Variants in IDE observed in about 807,000 individuals in gnomAD.
IDE encodes insulin-degrading enzyme.
Under a neutral mutation model 133.2 loss-of-function variants are expected in IDE, and 58 were observed. The ratio of observed to expected loss-of-function variants is 0.44; its 90% CI spans 0.35 to 0.54. The LOEUF (loss-of-function observed/expected upper bound fraction) is 0.54. Ranked by LOEUF, IDE falls within the 20% of genes least tolerant of loss-of-function variation. The pLI, the probability that IDE is intolerant of heterozygous loss-of-function variation, is 0.00. For synonymous variants in IDE, 396 were observed against 421.3 expected, an observed-to-expected ratio of 0.94 and a Z score of 0.73; for missense variants, 981 against 1,234.0, an observed-to-expected ratio of 0.79 and a Z score of 3.07.
chr10:92,470,153 T>C, intron 18 of IDE, 101 bp downstream of exon 18: 1 of 759,548 alleles, frequency 1.3e-6, no homozygotes, highest in Non-Finnish European at 2.1e-6. Context: ...CTCTAATGTG[T>C]TCCTTATCAC....
intron 22 of IDE, among the ~76,000 whole-genome samples, chr10:92,459,667 A>T (rs1200295977): frequency 6.6e-6 from 1 of 152,144 alleles, no homozygotes; most frequent in East Asian, 1.9e-4. Flanking sequence ...ATATTACAAA[A>T]AACATATGTA....
chr10:92,462,902 T>C (rs1288459579), intron 21 of IDE, among the ~76,000 whole-genome samples: 2 of 151,772 alleles, frequency 1.3e-5, no homozygotes, highest in Non-Finnish European at 2.9e-5. Context: ...AACTGCTAGA[T>C]AAATTATAAG....
rs66967152 is a variant in IDE at position 92,547,249 on chromosome 10, A to AT, written c.99-9700dup. On this transcript the variant is annotated intron_variant, in intron 1 of 24. Coordinates refer to ENST00000265986, the MANE Select transcript of IDE (RefSeq NM_004969.4). Reference sequence around the variant, plus strand: ...CCACCATGCCCGGCTAATTTTTTGTATTTTTTTTTTTTTTTAGTAGAGACA... The same window carrying AT: ...CCACCATGCCCGGCTAATTTTTTGTATTTTTTTTTTTTTTTTAGTAGAGACA... Among the ~76,000 whole-genome samples, 63 of 145,736 alleles carry AT rather than the reference A, an allele frequency of 4.3e-4. 1 individual carries two copies. The highest frequency in any genetic ancestry group is 1.3e-3 in the South Asian group (6 of 4,604).
In IDE at chr10:92,483,348, G is replaced by T; in HGVS notation, c.1657-11C>A. On this transcript the variant is annotated splice_polypyrimidine_tract_variant and intron_variant, in intron 13 of 24. Coordinates refer to ENST00000265986, the MANE Select transcript of IDE (RefSeq NM_004969.4). ...GCTCATAGCTGTATCCTGTGATGGAGAAACAATTTGGTTAGGGAAATAGAG... is the reference window on the plus strand; with the variant it reads ...GCTCATAGCTGTATCCTGTGATGGATAAACAATTTGGTTAGGGAAATAGAG... The T allele has an allele frequency of 6.5e-7, 1 of 1,538,878 alleles. No individual in the cohort carries two copies. The highest frequency in any genetic ancestry group is 1.4e-5 in the African/African-American group (1 of 73,448).
Position 92,515,059 on chromosome 10 carries a change from G to A in IDE, c.662-17C>T, listed in dbSNP as rs1564639758. On this transcript the variant is annotated splice_polypyrimidine_tract_variant and intron_variant, in intron 4 of 24. Transcript: ENST00000265986. ...ATTTGTTACCTGGAAGGGAAGAAAA[G>A]GGATTTCTTAGAAAAAGCAAAATAT... 1.3e-6 allele frequency: 2 copies of A among 1,570,526 alleles called. No homozygotes were observed. Among genetic ancestry groups the A allele is most frequent in the Non-Finnish European group, 1.7e-6 (2 of 1,160,070 alleles).
At chr10:92,556,804 A>G (rs1843032503) in intron 1 of IDE, among the ~76,000 whole-genome samples, 2 of 151,436 alleles carry the variant, frequency 1.3e-5, no homozygotes, top group African/African-American at 2.4e-5. Flanking sequence ...GGCGCCTGTA[A>G]TCCCAGCTAC....
Position 92,463,847 on chromosome 10 carries a change from A to C in IDE, c.2645T>G (p.Phe882Cys), listed in dbSNP as rs774700889. Residue 882 changes from phenylalanine to cysteine, a missense_variant, in exon 21 of 25, where the codon TTC becomes TGC. Transcript: ENST00000265986. ...TGCTAATGCCTGAATGTGTTTTTGG[A>C]AGGCCTCTTCTGTCATGTCCTCTAT... ...KSIEDMTEEA[F>C]QKHIQALAIR... 8 of 1,614,166 alleles carry C rather than the reference A, an allele frequency of 5.0e-6. No homozygotes were observed. Among genetic ancestry groups the C allele is most frequent in the Non-Finnish European group, 5.9e-6 (7 of 1,180,026 alleles).
intron 11 of IDE, among the ~76,000 whole-genome samples, chr10:92,492,563 C>A (rs1847420110): frequency 6.6e-6 from 1 of 152,330 alleles, no homozygotes; most frequent in East Asian, 1.9e-4. Flanking sequence ...GGTGTAAAGT[C>A]AGTCCTGCTA....
intron 14 of IDE, among the ~76,000 whole-genome samples, chr10:92,482,890 C>T (rs1846702350): frequency 6.6e-6 from 1 of 152,054 alleles, no homozygotes; most frequent in South Asian, 2.1e-4. Flanking sequence ...ACTGCATCCT[C>T]CTGCCTCAGC....
intron 1 of IDE, among the ~76,000 whole-genome samples, chr10:92,561,460 A>G (rs1321938898): frequency 2.0e-5 from 3 of 150,184 alleles, no homozygotes; most frequent in Non-Finnish European, 4.4e-5. Context: ...GGATCAAATA[A>G]GATGATGTAA....
intron 1 of IDE, among the ~76,000 whole-genome samples, chr10:92,564,934 T>C (rs1428521952): frequency 6.6e-6 from 1 of 151,516 alleles, no homozygotes; most frequent in Non-Finnish European, 1.5e-5. Context: ...ACAGAAAATT[T>C]CTAAAATTAA....
intron 1 of IDE, among the ~76,000 whole-genome samples, chr10:92,569,708 A>G (rs1326092250): frequency 6.6e-6 from 1 of 152,250 alleles, no homozygotes; most frequent in Non-Finnish European, 1.5e-5. Flanking sequence ...TTGTTTTGAA[A>G]AAAGACCATT....
chr10:92,494,228 ATTTTT>A, intron 11 of IDE, among the ~76,000 whole-genome samples: 1 of 130,662 alleles, frequency 7.7e-6, no homozygotes, highest in African/African-American at 2.8e-5. Context: ...TACCCAGCCA[ATTTTT>A]TTTTTTTTTT....
chr10:92,473,976 G>A (rs1022273285), intron 17 of IDE, among the ~76,000 whole-genome samples: 1 of 151,334 alleles, frequency 6.6e-6, no homozygotes, highest in African/African-American at 2.4e-5. Context: ...AGCAGACTCC[G>A]TCTTTAAAAA....
rs368772960 is a variant in IDE, at chr10:92,483,284, C to T, written c.1710G>A (p.Pro570=). 2.2e-5 allele frequency: 36 copies of T among 1,606,108 alleles called. No homozygotes were observed. The highest frequency in any genetic ancestry group is 3.3e-5 in the South Asian group (3 of 90,892). The change falls in exon 14 of 25, where the codon CCG becomes CCA. Residue 570 remains proline (P), a synonymous_variant. Transcript: ENST00000265986. ...AAAATTCAAAGTTGAGACAAGCCTTCGGCAAAAAAAACTTATCATCTTGTT... is the reference window on the plus strand; with the variant it reads ...AAAATTCAAAGTTGAGACAAGCCTTTGGCAAAAAAAACTTATCATCTTGTT... ...WFKQDDKFFL[P]KACLNFEFFS...
At chr10:92,488,242 T>C (rs551039653) in intron 12 of IDE, among the ~76,000 whole-genome samples, 1 of 152,096 alleles carries the variant, frequency 6.6e-6, no homozygotes, top group South Asian at 2.1e-4. Flanking sequence ...GTAGCTGGGA[T>C]TACAGGCGTG....
At chr10:92,563,567 A>G (rs1307480706) in intron 1 of IDE, among the ~76,000 whole-genome samples, 2 of 151,894 alleles carry the variant, frequency 1.3e-5, no homozygotes, top group Non-Finnish European at 1.5e-5. Context: ...CCTGGCCAAC[A>G]TGGTGAAACC....
intron 12 of IDE, among the ~76,000 whole-genome samples, chr10:92,488,932 TAAAAAAAAAAAA>T (rs56377277): frequency 5.1e-5 from 4 of 78,968 alleles, no homozygotes; most frequent in Admixed American, 3.1e-4. Context: ...TTTCATTATT[TAAAAAAAAAAAA>T]AAAAAAAAAA....
In IDE at chr10:92,478,694, C is replaced by T. The variant is rs181611532; in HGVS notation, c.1884+583G>A. 4.7e-5 allele frequency: 60 copies of T among 1,277,826 alleles called. 1 individual carries two copies. The East Asian group carries it at 2.4e-3, about 50-fold the overall frequency. The allele number at this position is 1,277,826 out of a possible 1,614,324, so 79.2% of individuals were successfully genotyped here. A position where few individuals can be genotyped will look rare whatever the true frequency, so the allele number is the denominator to read the frequency against. Reference sequence around the variant, plus strand: ...AATGCCATAGCTCAAACCTGAGAGGCGTGCTGCATATGTATACTCTTTTAA... The same window carrying T: ...AATGCCATAGCTCAAACCTGAGAGGTGTGCTGCATATGTATACTCTTTTAA... On this transcript the variant is annotated intron_variant, in intron 15 of 24. Transcript: ENST00000265986.
Sources: allele counts gnomAD v4.1 joint callset (sites outside exome capture counted in the v4.1 genomes callset), GRCh38; gene constraint gnomAD v4.1.1; transcripts MANE v1.5; gene names NCBI Gene and HGNC (gene_info 2026-07-23, HGNC 2026-07-21).